The following RNF157 variants were observed in gnomAD, a reference collection of about 807,000 sequenced individuals.
RNF157 encodes the protein ring finger protein 157, also known as E3 ubiquitin ligase RNF157.
A neutral mutation model predicts 88.3 loss-of-function variants in RNF157; 55 were observed. That is an observed-to-expected ratio of 0.62 (90% CI 0.50 to 0.78). The LOEUF (loss-of-function observed/expected upper bound fraction) is 0.78. Ranked by LOEUF, RNF157 falls within the 30% of genes least tolerant of loss-of-function variation. The pLI is 0.00. For missense variants in RNF157, 788 were observed against 860.8 expected (o/e 0.92, Z 1.06); for synonymous variants, 334 against 341.2 (o/e 0.98, Z 0.23).
intron 2 of RNF157, among the ~76,000 whole-genome samples, chr17:76,198,216 G>A (rs1015781768): frequency 3.3e-5 from 5 of 152,226 alleles, no homozygotes; most frequent in African/African-American, 1.2e-4. Flanking sequence ...CCTGGAGGAT[G>A]TGTGGGAGGG....
chr17:76,155,399 G>A (rs781072314), intron 15 of RNF157, 82 bp from the exon 16 acceptor site: 19 of 1,486,798 alleles, frequency 1.3e-5, no homozygotes, highest in Non-Finnish European at 1.7e-5. Flanking sequence ...AACAAAATTG[G>A]TGTCAAATAG....
chr17:76,238,970 C>T (rs1367808683), intron 1 of RNF157, among the ~76,000 whole-genome samples: 1 of 152,180 alleles, frequency 6.6e-6, no homozygotes, highest in Non-Finnish European at 1.5e-5. Flanking sequence ...TGCAGGGATG[C>T]GGGCAGGTTC....
rs188547055 is a variant in RNF157, at chr17:76,176,901, C to A, written c.208-3111G>T. On this transcript the variant is annotated intron_variant, in intron 2 of 18. Coordinates refer to ENST00000269391, the MANE Select transcript of RNF157 (RefSeq NM_052916.3). The surrounding 1 kb of genome is among the most constrained non-coding windows in gnomAD (Gnocchi z 4.2). ...GCCATTGGCGCAGCCACTGTGCCCA[C>A]CCTGCCGAGGGTGCCAGGTTCCTGT... Among the ~76,000 whole-genome samples, 36 of 152,314 alleles carry A rather than the reference C, an allele frequency of 2.4e-4. No homozygotes were observed. In the East Asian group the frequency reaches 6.0e-3, roughly 25 times the overall value.
At chr17:76,158,131 C>T (rs1387967082) in intron 13 of RNF157, among the ~76,000 whole-genome samples, 1 of 151,938 alleles carries the variant, frequency 6.6e-6, no homozygotes, top group East Asian at 1.9e-4. Flanking sequence ...CCCCAGATAG[C>T]AAGAATATAA....
At position 76,160,789 on chromosome 17, in the gene RNF157, T is replaced by A. The variant is rs1289925476; in HGVS notation, c.1065+746A>T. 6.6e-6 allele frequency among the ~76,000 whole-genome samples: 1 copy of A among 151,908 alleles called. No individual in the cohort carries two copies. Among genetic ancestry groups the A allele is most frequent in the African/African-American group, 2.4e-5 (1 of 41,448 alleles). On this transcript the variant is annotated intron_variant, in intron 11 of 18. Transcript: ENST00000269391. This position sits in a 1 kb window ranked among gnomAD's most constrained non-coding sequence, Gnocchi z 4.3. ...GGTTCTTGCTTTCAAGCTTAGAGAATCCTTTCCAATCCAAAGTCAACTAAA... is the reference window on the plus strand; with the variant it reads ...GGTTCTTGCTTTCAAGCTTAGAGAAACCTTTCCAATCCAAAGTCAACTAAA...
At chr17:76,152,556 A>T (rs934243104) in intron 17 of RNF157, 91 bp from the exon 18 acceptor site, 17 of 757,184 alleles carry the variant, frequency 2.2e-5, no homozygotes, top group Middle Eastern at 2.4e-4. Flanking sequence ...GATGGAGACA[A>T]AAAAAATCAA....
Position 76,159,436 on chromosome 17 carries a change from A to C in RNF157, c.1203T>G (p.Tyr401Ter), listed in dbSNP as rs778608220. ...CGGGGGGCAGGTGGCCATCACTGCC[A>C]TATGAAGGGAGCATTCCTGAGAGGT... ...DGHLSGMLPS[Y>*]GSDGHLPPVR... Residue 401 changes from tyrosine (Y) to a stop codon, truncating the protein, a stop_gained, in exon 12 of 19, where the codon TAT becomes TAG. Coordinates refer to ENST00000269391, the MANE Select transcript of RNF157 (RefSeq NM_052916.3). LOFTEE classifies it high-confidence loss of function. The C allele has an allele frequency of 6.2e-7, 1 of 1,613,386 alleles. No homozygotes were observed. Among genetic ancestry groups the C allele is most frequent in the South Asian group, 1.1e-5 (1 of 90,760 alleles).
chr17:76,163,707 A>G (rs1039342157), intron 8 of RNF157: 4 of 152,152 alleles, frequency 2.6e-5, no homozygotes, highest in Admixed American at 6.5e-5. Context: ...GCTAATGCCA[A>G]TCTAACAAGA....
chr17:76,215,348 G>A (rs764285877), intron 1 of RNF157, among the ~76,000 whole-genome samples: 2 of 151,864 alleles, frequency 1.3e-5, no homozygotes, highest in African/African-American at 2.4e-5. Context: ...GGTAGCATGC[G>A]TCTGGAGTTC....
intron 2 of RNF157, among the ~76,000 whole-genome samples, chr17:76,203,334 T>C (rs2069619149): frequency 6.6e-6 from 1 of 152,126 alleles, no homozygotes; most frequent in African/African-American, 2.4e-5. Flanking sequence ...GGTAATTTTA[T>C]AGATGGGGAA....
chr17:76,216,906 C>CA (rs2069899050), intron 1 of RNF157, among the ~76,000 whole-genome samples: 2 of 151,164 alleles, frequency 1.3e-5, no homozygotes, highest in South Asian at 4.2e-4. Flanking sequence ...AAAACAAAAA[C>CA]AAAAACAAAA....
Position 76,195,316 on chromosome 17 carries a change from C to CT in RNF157, c.207+17047dup, listed in dbSNP as rs1317131992. 6.6e-6 allele frequency among the ~76,000 whole-genome samples: 1 copy of CT among 152,158 alleles called. No individual in the cohort carries two copies. Among genetic ancestry groups the CT allele is most frequent in the Non-Finnish European group, 1.5e-5 (1 of 68,028 alleles). On this transcript the variant is annotated intron_variant, in intron 2 of 18. Transcript: ENST00000269391. The surrounding 1 kb of genome is among the most constrained non-coding windows in gnomAD (Gnocchi z 4.4). ...ACCACGTAACCAGGAGATCACCTGTCTCTCCAACTTCATTGGTTATCGGGA... is the reference window on the plus strand; with the variant it reads ...ACCACGTAACCAGGAGATCACCTGTCTTCTCCAACTTCATTGGTTATCGGGA...
At chr17:76,237,772 G>A (rs1047707685) in intron 1 of RNF157, among the ~76,000 whole-genome samples, 15 of 152,088 alleles carry the variant, frequency 9.9e-5, no homozygotes, top group Admixed American at 2.6e-4. Flanking sequence ...GGGCAACATA[G>A]TGAGAGAGTG....
At position 76,161,595 on chromosome 17, in the gene RNF157, C is replaced by T. The variant is rs144531006; in HGVS notation, c.1005G>A (p.Leu335=). 6.2e-6 allele frequency: 10 copies of T among 1,613,984 alleles called. No homozygotes were observed. The highest frequency in any genetic ancestry group is 8.5e-6 in the Non-Finnish European group (10 of 1,180,042). Residue 335 remains leucine (L), a synonymous_variant, in exon 11 of 19, where the codon TTG becomes TTA. Coordinates refer to ENST00000269391, the MANE Select transcript of RNF157 (RefSeq NM_052916.3). This position sits in a 1 kb window ranked among gnomAD's most constrained non-coding sequence, Gnocchi z 4.6. The part of the protein sequence containing the change: ...IRAMRKKLGP[L]SPTSFNPIIS... The stretch of plus-strand genomic sequence containing the variant: ...TGATGGGGTTAAAGCTGGTTGGGGA[C>T]AAGGGGCCCAATTTTTTCCTCATGG...
intron 3 of RNF157, among the ~76,000 whole-genome samples, chr17:76,169,983 GA>G: frequency 6.6e-6 from 1 of 152,298 alleles, no homozygotes; most frequent in East Asian, 1.9e-4. Context: ...TTGTATTTAA[GA>G]TATTTAAACT....
chr17:76,176,209 T>C lies in RNF157; in HGVS notation c.208-2419A>G, dbSNP rs536354342. On this transcript the variant is annotated intron_variant, in intron 2 of 18. Coordinates refer to ENST00000269391, the MANE Select transcript of RNF157 (RefSeq NM_052916.3). This position sits in a 1 kb window ranked among gnomAD's most constrained non-coding sequence, Gnocchi z 4.2. ...AAGCTGCATTATAAGGCAGCTGACATAGTAATTGTAATATCAAAGAGATTA... is the reference window on the plus strand; with the variant it reads ...AAGCTGCATTATAAGGCAGCTGACACAGTAATTGTAATATCAAAGAGATTA... Among the ~76,000 whole-genome samples, 1 of 152,306 alleles carries C rather than the reference T, an allele frequency of 6.6e-6. No individual in the cohort carries two copies. The highest frequency in any genetic ancestry group is 2.1e-4 in the South Asian group (1 of 4,826).
At chr17:76,236,710 AC>A (rs1464348684) in intron 1 of RNF157, among the ~76,000 whole-genome samples, 1 of 152,238 alleles carries the variant, frequency 6.6e-6, no homozygotes, top group Non-Finnish European at 1.5e-5. Flanking sequence ...TACTGAAAAA[AC>A]AACTCACAGA....
At chr17:76,231,219 G>C (rs2070187016) in intron 1 of RNF157, among the ~76,000 whole-genome samples, 1 of 152,062 alleles carries the variant, frequency 6.6e-6, no homozygotes, top group Admixed American at 6.6e-5. Context: ...GGATGGTCTC[G>C]ATCTCCTGAC....
In RNF157 at chr17:76,145,910, G is replaced by A. The variant is rs1029965753; in HGVS notation, c.1922-557C>T. On this transcript the variant is annotated intron_variant, in intron 18 of 18. Coordinates refer to ENST00000269391, the MANE Select transcript of RNF157 (RefSeq NM_052916.3). ...GAGGCTCCAGTCCCCGTCACCTGCC[G>A]TTTTCCTCTCCTCCTGCACCTACGC... Among the ~76,000 whole-genome samples, 11 of 152,204 alleles carry A rather than the reference G, an allele frequency of 7.2e-5. No individual in the cohort carries two copies. In the East Asian group the frequency reaches 1.4e-3, roughly 19 times the overall value.
Sources: allele counts gnomAD v4.1 joint callset (sites outside exome capture counted in the v4.1 genomes callset), GRCh38; gene constraint gnomAD v4.1.1; non-coding constraint Gnocchi (gnomAD v3.1); transcripts MANE v1.5; gene names NCBI Gene and HGNC (gene_info 2026-07-23, HGNC 2026-07-21).